LRCH2: variants seen among roughly 807,000 people sequenced by gnomAD.
LRCH2 encodes the protein leucine-rich repeat and calponin homology domain-containing protein 2.
In LRCH2, 38 loss-of-function variants were observed where a neutral mutation model predicts 68.9. The ratio of observed to expected loss-of-function variants is 0.55; its 90% CI spans 0.43 to 0.72. The LOEUF (loss-of-function observed/expected upper bound fraction) is 0.72. Ranked by LOEUF, LRCH2 falls within the 30% of genes least tolerant of loss-of-function variation. The pLI, the probability that LRCH2 is intolerant of heterozygous loss-of-function variation, is 0.00. For missense variants in LRCH2, 528 were observed against 572.9 expected (o/e 0.92, Z 0.80); for synonymous variants, 191 against 208.1 (o/e 0.92, Z 0.71).
In LRCH2 at chrX:115,170,334, C is replaced by T. The variant is rs1556547084; in HGVS notation, c.963G>A (p.Leu321=). 2 of 1,180,962 alleles carry T rather than the reference C, an allele frequency of 1.7e-6. No homozygotes were observed. The highest frequency in any genetic ancestry group is 6.2e-5 in the East Asian group (2 of 32,476). Residue 321 remains leucine, a synonymous_variant, in exon 6 of 21, where the codon TTG becomes TTA. Transcript: ENST00000317135. The part of the protein sequence containing the change: ...KKPDSLDLPS[L]SKRMPSQPLT... Reference sequence around the variant, plus strand: ...GAGGCTGTGAGGGCATTCGTTTACTCAATGATGGAAGATCCAGGGAATCTG... The same window carrying T: ...GAGGCTGTGAGGGCATTCGTTTACTTAATGATGGAAGATCCAGGGAATCTG...
At chrX:115,150,668 T>A (rs1239429480) in intron 12 of LRCH2, among the ~76,000 whole-genome samples, 2 of 110,847 alleles carry the variant, frequency 1.8e-5, no homozygotes, top group East Asian at 5.6e-4. Flanking sequence ...CTGCTATAAC[T>A]TAACACTATT....
chrX:115,116,904 A>G (rs2072087782), intron 20 of LRCH2, among the ~76,000 whole-genome samples: 1 of 111,025 alleles, frequency 9.0e-6, no homozygotes, highest in African/African-American at 3.3e-5. Context: ...CAAAAAGCAC[A>G]GCCCATTTTA....
chrX:115,130,039 C>A, intron 15 of LRCH2, 116 bp downstream of exon 15: 2 of 363,715 alleles, frequency 5.5e-6, no homozygotes, highest in Non-Finnish European at 4.8e-6. Context: ...GAAAAAAAAC[C>A]ATGCATTAAA....
At chrX:115,216,842 T>C (rs1314812460) in intron 1 of LRCH2, among the ~76,000 whole-genome samples, 5 of 111,941 alleles carry the variant, frequency 4.5e-5, no homozygotes, top group African/African-American at 1.6e-4. Context: ...AGAAGGTTCC[T>C]GCTGTGCCAG....
intron 1 of LRCH2, chrX:115,191,372 G>A: frequency 1.7e-6 from 2 of 1,149,292 alleles, no homozygotes; most frequent in South Asian, 3.9e-5. Flanking sequence ...AACAGTGGAG[G>A]CCGCTCGCCT....
At chrX:115,165,371 T>C (rs1556544071) in intron 10 of LRCH2, 34 bp downstream of exon 10, 10 of 1,007,076 alleles carry the variant, frequency 9.9e-6, no homozygotes, top group Non-Finnish European at 1.3e-5. Flanking sequence ...GCTCAAGGGC[T>C]TATAAATAAC....
At chrX:115,126,803 C>T (rs1031046228) in intron 16 of LRCH2, 40 bp downstream of exon 16, 8 of 1,033,287 alleles carry the variant, frequency 7.7e-6, no homozygotes, top group Admixed American at 8.9e-5. Flanking sequence ...AGAAAACATA[C>T]AAAACGTATT....
At chrX:115,227,099 T>C (rs1040505279) in intron 1 of LRCH2, among the ~76,000 whole-genome samples, 1 of 110,567 alleles carries the variant, frequency 9.0e-6, no homozygotes, top group Non-Finnish European at 1.9e-5. Flanking sequence ...ACCCACTAGA[T>C]GTCAGTAGCA....
Position 115,188,350 on chromosome X carries a change from T to A in LRCH2, c.370A>T (p.Thr124Ser). The A allele has an allele frequency of 8.4e-7, 1 of 1,185,314 alleles. No individual in the cohort carries two copies. Among genetic ancestry groups the A allele is most frequent in the Admixed American group, 2.4e-5 (1 of 41,763 alleles). Reference sequence around the variant, plus strand: ...AACCAGACATCAGAAGGAATTTCTGTAAAACGATTTCTGGAAAGATCTGAA... The same window carrying A: ...AACCAGACATCAGAAGGAATTTCTGAAAAACGATTTCTGGAAAGATCTGAA... ...TQADLSRNRF[T>S]EIPSDVWLFA... The change falls in exon 2 of 21, where the codon ACA (threonine) becomes TCA (serine). Residue 124 changes from threonine to serine, a missense_variant. Thr to Ser is a moderately conservative substitution (Grantham distance 58). Transcript: ENST00000317135.
At chrX:115,122,107 C>T (rs1479114172) in intron 20 of LRCH2, among the ~76,000 whole-genome samples, 1 of 108,101 alleles carries the variant, frequency 9.3e-6, no homozygotes. Context: ...TCCAATTTTG[C>T]ATTTTAAATA....
At chrX:115,184,955 A>G (rs1299257859) in intron 2 of LRCH2, among the ~76,000 whole-genome samples, 7 of 111,875 alleles carry the variant, frequency 6.3e-5, no homozygotes, top group Non-Finnish European at 1.1e-4. Context: ...TAATTCTGGT[A>G]TATTCAATAC....
chrX:115,163,047 C>T (rs1267450875), intron 11 of LRCH2, among the ~76,000 whole-genome samples: 2 of 111,099 alleles, frequency 1.8e-5, no homozygotes, highest in Non-Finnish European at 3.8e-5. Context: ...TTCTCATTGC[C>T]AACAACATGT....
chrX:115,134,963 G>A (rs1482281876), intron 14 of LRCH2, among the ~76,000 whole-genome samples: 1 of 111,083 alleles, frequency 9.0e-6, no homozygotes, highest in Non-Finnish European at 1.9e-5. Context: ...ATGAGAGGAG[G>A]TCAAAATGTC....
intron 14 of LRCH2, among the ~76,000 whole-genome samples, chrX:115,140,859 GAACTA>G (rs1298207592): frequency 3.6e-5 from 4 of 111,002 alleles, no homozygotes; most frequent in Non-Finnish European, 7.5e-5. Flanking sequence ...AAATGTAAAT[GAACTA>G]AACTATTAAA....
chrX:115,136,753 A>G, intron 14 of LRCH2, among the ~76,000 whole-genome samples: 1 of 112,275 alleles, frequency 8.9e-6, no homozygotes, highest in Middle Eastern at 4.6e-3. Context: ...AGAAAAGGAA[A>G]GAAGGAATGG....
intron 1 of LRCH2, among the ~76,000 whole-genome samples, chrX:115,222,727 T>C (rs1556574547): frequency 1.8e-5 from 2 of 112,152 alleles, no homozygotes; most frequent in Non-Finnish European, 3.8e-5. Context: ...CATCCCCTAT[T>C]CATGGATTGG....
At chrX:115,167,781 A>C (rs782042211) in intron 6 of LRCH2, among the ~76,000 whole-genome samples, 1 of 111,930 alleles carries the variant, frequency 8.9e-6, no homozygotes, top group African/African-American at 3.2e-5. Context: ...TATGGTTAAC[A>C]TTTTAGGTAT....
intron 1 of LRCH2, among the ~76,000 whole-genome samples, chrX:115,194,759 C>G (rs1556562658): frequency 1.8e-5 from 2 of 111,654 alleles, no homozygotes; most frequent in East Asian, 5.6e-4. Flanking sequence ...AGGATTCTGG[C>G]CTGGACAGCT....
At chrX:115,190,515 C>T (rs1461652581) in intron 1 of LRCH2, 8 of 1,154,250 alleles carry the variant, frequency 6.9e-6, no homozygotes, top group East Asian at 3.3e-5. Context: ...ACGCCTACAG[C>T]AGGGACCACT....
Sources: gnomAD v4.1 joint callset for allele counts (sites outside exome capture counted in the v4.1 genomes callset) on GRCh38, gnomAD v4.1.1 for gene constraint, MANE v1.5 for transcripts, NCBI Gene and HGNC (gene_info 2026-07-23, HGNC 2026-07-21) for gene names.